The following SLCO3A1 variants were observed in gnomAD, a reference collection of about 807,000 sequenced individuals.
SLCO3A1 encodes the protein solute carrier organic anion transporter family member 3A1.
Under a neutral mutation model 63.1 loss-of-function variants are expected in SLCO3A1, and 27 were observed. That is an observed-to-expected ratio of 0.43 (90% CI 0.32 to 0.59). The LOEUF (loss-of-function observed/expected upper bound fraction) is 0.59. Among genes scored for constraint, SLCO3A1 ranks in the 20% least tolerant of loss-of-function variants. The probability of loss-of-function intolerance (pLI) is 0.09; values close to 1 mark genes in which losing one functional copy is unlikely to be tolerated. For synonymous variants in SLCO3A1, 473 were observed against 409.9 expected (o/e 1.15, Z -1.86); for missense variants, 773 against 945.8 (o/e 0.82, Z 2.40).
chr15:92,102,007 C>G (rs945135192), intron 3 of SLCO3A1, among the ~76,000 whole-genome samples: 5 of 152,188 alleles, frequency 3.3e-5, no homozygotes, highest in African/African-American at 1.2e-4. Context: ...ACAACAGAGT[C>G]ACTAACTTCC....
At position 91,916,874 on chromosome 15, in the gene SLCO3A1, C is replaced by T. The variant is rs1375766032; in HGVS notation, c.646+416C>T. The stretch of plus-strand genomic sequence containing the variant: ...TGTCCTGGTCATTGTCCTGTTGCAG[C>T]TCAAAAGGAGAGGTGATGGCTTTGC... On this transcript the variant is annotated intron_variant, in intron 2 of 9. Transcript: ENST00000318445. The surrounding 1 kb of genome is among the most constrained non-coding windows in gnomAD (Gnocchi z 6.2). Among the ~76,000 whole-genome samples, 2 of 152,176 alleles carry T rather than the reference C, an allele frequency of 1.3e-5. No homozygotes were observed. Among genetic ancestry groups the T allele is most frequent in the East Asian group, 1.9e-4 (1 of 5,194 alleles).
At chr15:91,961,526 A>T (rs1900445278) in intron 2 of SLCO3A1, among the ~76,000 whole-genome samples, 1 of 152,150 alleles carries the variant, frequency 6.6e-6, no homozygotes, top group Non-Finnish European at 1.5e-5. Flanking sequence ...GGTGTGTGGG[A>T]TTCCAGAGAT....
chr15:91,956,711 T>C (rs1900190557), intron 2 of SLCO3A1, among the ~76,000 whole-genome samples: 1 of 150,886 alleles, frequency 6.6e-6, no homozygotes, highest in South Asian at 2.1e-4. Flanking sequence ...TCCAGTCAAC[T>C]TTTGTGCCCC....
Position 92,070,266 on chromosome 15 carries a change from G to A in SLCO3A1, c.647-24615G>A, listed in dbSNP as rs184603513. On this transcript the variant is annotated intron_variant, in intron 2 of 9. Coordinates refer to ENST00000318445, the MANE Select transcript of SLCO3A1 (RefSeq NM_013272.4). The stretch of plus-strand genomic sequence containing the variant: ...GTGAAGGGACTTCGAAAGTTAAACA[G>A]CCTTGTACAATTATTGCTAAATGTT... 2.0e-3 allele frequency among the ~76,000 whole-genome samples: 310 copies of A among 152,358 alleles called. 1 individual carries two copies. Among genetic ancestry groups the A allele is most frequent in the African/African-American group, 7.2e-3 (301 of 41,574 alleles).
At chr15:92,046,138 C>T (rs2046859560) in intron 2 of SLCO3A1, among the ~76,000 whole-genome samples, 1 of 152,090 alleles carries the variant, frequency 6.6e-6, no homozygotes, top group Non-Finnish European at 1.5e-5. Context: ...TTATAAGAAA[C>T]TAAGAGGTTT....
At chr15:92,004,071 A>G (rs1372944167) in intron 2 of SLCO3A1, among the ~76,000 whole-genome samples, 8 of 152,214 alleles carry the variant, frequency 5.3e-5, no homozygotes. Context: ...TTATAGGGGC[A>G]GATTCCTGGA....
At chr15:92,152,536 C>G (rs138002012) in intron 9 of SLCO3A1, among the ~76,000 whole-genome samples, 1 of 152,284 alleles carries the variant, frequency 6.6e-6, no homozygotes, top group African/African-American at 2.4e-5. Context: ...TTGGGCCTTC[C>G]TGGGAAGCTG....
chr15:92,171,737 ATC>A, intron 10 of SLCO3A1: 2 of 1,369,998 alleles, frequency 1.5e-6, no homozygotes, highest in Non-Finnish European at 2.0e-6. Context: ...GAAAAGACCG[ATC>A]TCTTTTTCCT....
intron 1 of SLCO3A1, among the ~76,000 whole-genome samples, chr15:91,871,684 T>A (rs1897281002): frequency 6.6e-6 from 1 of 151,872 alleles, no homozygotes; most frequent in Non-Finnish European, 1.5e-5. Context: ...CTTGCCACAC[T>A]GGATTCTTTT....
intron 2 of SLCO3A1, among the ~76,000 whole-genome samples, chr15:91,972,126 G>T (rs1359280133): frequency 6.6e-6 from 1 of 152,096 alleles, no homozygotes; most frequent in African/African-American, 2.4e-5. Context: ...GAGGGAGAGG[G>T]TTTTATGTAG....
chr15:91,880,405 C>CTGTGTGTGTGTGTGTG lies in SLCO3A1; in HGVS notation c.180+26318_180+26319insGTGTGTGTGTGTGTGT, dbSNP rs1234294258. Among the ~76,000 whole-genome samples, 106 of 142,370 alleles carry CTGTGTGTGTGTGTGTG rather than the reference C, an allele frequency of 7.4e-4. 1 individual carries two copies. Among genetic ancestry groups the CTGTGTGTGTGTGTGTG allele is most frequent in the African/African-American group, 2.5e-3 (92 of 36,758 alleles). The allele number at this position is 142,370 out of a possible 152,430, so 93.4% of individuals were successfully genotyped here. A position where few individuals can be genotyped will look rare whatever the true frequency, so the allele number is the denominator to read the frequency against. On this transcript the variant is annotated intron_variant, in intron 1 of 9. Coordinates refer to ENST00000318445, the MANE Select transcript of SLCO3A1 (RefSeq NM_013272.4). ...CTTCTCTCTCTCTCTCTCTCTCTCT[C>CTGTGTGTGTGTGTGTG]TCTCTGTGTGTGTGTGTGTGTAGTT...
intron 7 of SLCO3A1, among the ~76,000 whole-genome samples, chr15:92,136,229 G>C (rs1052520653): frequency 6.6e-6 from 1 of 152,180 alleles, no homozygotes; most frequent in African/African-American, 2.4e-5. Context: ...TAGAAGGCTC[G>C]TAATACAAAT....
chr15:92,108,476 T>C (rs1208749440), intron 4 of SLCO3A1, among the ~76,000 whole-genome samples: 1 of 152,188 alleles, frequency 6.6e-6, no homozygotes, highest in Non-Finnish European at 1.5e-5. Context: ...ATCTAGCAAA[T>C]GCTCAGAATT....
chr15:92,108,635 C>T (rs1173551896), intron 4 of SLCO3A1, among the ~76,000 whole-genome samples: 2 of 152,220 alleles, frequency 1.3e-5, no homozygotes, highest in Non-Finnish European at 2.9e-5. Flanking sequence ...CATCTCTTGC[C>T]CTGAGAGGCC....
At chr15:92,077,712 G>A (rs1003966727) in intron 2 of SLCO3A1, among the ~76,000 whole-genome samples, 1 of 152,210 alleles carries the variant, frequency 6.6e-6, no homozygotes, top group African/African-American at 2.4e-5. Flanking sequence ...TCTCCCTCAG[G>A]ACCCTGGGCT....
At position 92,165,390 on chromosome 15, in the gene SLCO3A1, G is replaced by A; in HGVS notation, c.*2255G>A. 1 of 985,204 alleles carries A rather than the reference G, an allele frequency of 1.0e-6. No homozygotes were observed. Among genetic ancestry groups the A allele is most frequent in the Non-Finnish European group, 1.2e-6 (1 of 829,856 alleles). 61.0% of individuals were successfully genotyped at this position (985,204 alleles called of 1,614,324 possible). ...CCTGTACAGATTTTGGTTTAGTTTT[G>A]CAAATATATTGCTAATAGGTCACTC... On this transcript the variant is annotated 3_prime_UTR_variant, in exon 10 of 10. Transcript: ENST00000318445.
At chr15:92,110,590 A>G (rs913048560) in intron 4 of SLCO3A1, among the ~76,000 whole-genome samples, 1 of 152,126 alleles carries the variant, frequency 6.6e-6, no homozygotes, top group Non-Finnish European at 1.5e-5. Context: ...TTCAGACATC[A>G]GCTCATGTGT....
intron 2 of SLCO3A1, among the ~76,000 whole-genome samples, chr15:92,012,008 A>G (rs1187366760): frequency 6.6e-6 from 1 of 152,264 alleles, no homozygotes; most frequent in African/African-American, 2.4e-5. Flanking sequence ...TCACCAGCAC[A>G]TGAGCGGGGA....
intron 2 of SLCO3A1, among the ~76,000 whole-genome samples, chr15:92,065,393 C>G (rs1255155138): frequency 6.6e-6 from 1 of 152,086 alleles, no homozygotes; most frequent in Non-Finnish European, 1.5e-5. Flanking sequence ...CGGCCATTTA[C>G]CCAGATTTGA....
Sources: allele counts gnomAD v4.1 joint callset (sites outside exome capture counted in the v4.1 genomes callset), GRCh38; gene constraint gnomAD v4.1.1; non-coding constraint Gnocchi (gnomAD v3.1); transcripts MANE v1.5; gene names NCBI Gene and HGNC (gene_info 2026-07-23, HGNC 2026-07-21).